The following ADGRL2 variants were observed in gnomAD, a reference collection of about 807,000 sequenced individuals.
ADGRL2 encodes calcium-independent alpha-latrotoxin receptor 2.
In ADGRL2, 44 loss-of-function variants were observed where a neutral mutation model predicts 157.4. That is an observed-to-expected ratio of 0.28 (90% CI 0.22 to 0.36). The LOEUF (loss-of-function observed/expected upper bound fraction) is 0.36. ADGRL2 is among the 10% of genes least tolerant of loss of function. The probability of loss-of-function intolerance (pLI) is 1.00; values close to 1 mark genes in which losing one functional copy is unlikely to be tolerated. For missense variants in ADGRL2, 1,510 were observed against 1,768.9 expected (o/e 0.85, Z 2.63); for synonymous variants, 585 against 624.7 (o/e 0.94, Z 0.95).
chr1:81,460,911 A>C (rs950956333), intron 2 of ADGRL2, among the ~76,000 whole-genome samples: 3 of 152,198 alleles, frequency 2.0e-5, no homozygotes, highest in Non-Finnish European at 4.4e-5. Flanking sequence ...TGTCAAGTGT[A>C]CATTTTATAT....
intron 1 of ADGRL2, among the ~76,000 whole-genome samples, chr1:81,361,317 A>C (rs550331707): frequency 6.6e-6 from 1 of 152,066 alleles, no homozygotes; most frequent in African/African-American, 2.4e-5. Context: ...TTAGAAAAGT[A>C]GTCTCTCAGT....
At chr1:81,483,080 G>A (rs2078424256) in intron 2 of ADGRL2, among the ~76,000 whole-genome samples, 1 of 152,020 alleles carries the variant, frequency 6.6e-6, no homozygotes, top group Non-Finnish European at 1.5e-5. Context: ...AGAAAGAATA[G>A]TCACCCTCAG....
At chr1:81,502,828 G>T (rs536885521) in intron 2 of ADGRL2, 1 of 1,612,492 alleles carries the variant, frequency 6.2e-7, no homozygotes, top group South Asian at 1.1e-5. Flanking sequence ...TGCTGCTGCC[G>T]CTGCCGAGGC....
At chr1:81,318,901 C>T (rs1426531650) in intron 1 of ADGRL2, among the ~76,000 whole-genome samples, 1 of 128,218 alleles carries the variant, frequency 7.8e-6, no homozygotes, top group African/African-American at 2.9e-5. Flanking sequence ...ATGTAATAGT[C>T]ATTTTATCCT....
At chr1:81,773,832 C>G (rs1207533309) in intron 2 of ADGRL2, among the ~76,000 whole-genome samples, 1 of 152,058 alleles carries the variant, frequency 6.6e-6, no homozygotes, top group Admixed American at 6.5e-5. Context: ...ACACCTAGTA[C>G]CTCAGAGTGT....
intron 3 of ADGRL2, among the ~76,000 whole-genome samples, chr1:81,923,263 G>A (rs1161245681): frequency 1.3e-5 from 2 of 152,154 alleles, no homozygotes; most frequent in Non-Finnish European, 2.9e-5. Context: ...TGCAGTGGTA[G>A]TCAATTTGAT....
At chr1:81,944,373 A>C (rs1405899747) in intron 6 of ADGRL2, among the ~76,000 whole-genome samples, 2 of 152,088 alleles carry the variant, frequency 1.3e-5, no homozygotes, top group African/African-American at 4.8e-5. Context: ...ATCCCAAGTG[A>C]TGACTTGTGA....
chr1:81,970,627 G>A (rs1427433272), intron 16 of ADGRL2, 93 bp downstream of exon 16: 10 of 857,274 alleles, frequency 1.2e-5, no homozygotes, highest in African/African-American at 1.8e-5. Context: ...GATTAAAATA[G>A]CATCTGAAAG....
At chr1:81,406,923 T>C (rs1028944071) in intron 1 of ADGRL2, among the ~76,000 whole-genome samples, 1 of 152,228 alleles carries the variant, frequency 6.6e-6, no homozygotes, top group Non-Finnish European at 1.5e-5. Flanking sequence ...ATCAGCCTTC[T>C]GGTTTGGATC....
chr1:81,758,142 T>C (rs560927579), intron 1 of ADGRL2, among the ~76,000 whole-genome samples: 35 of 152,300 alleles, frequency 2.3e-4, no homozygotes, highest in African/African-American at 8.4e-4. Flanking sequence ...TGAAGTGCAA[T>C]TTTGTCTTCA....
At chr1:81,333,982 C>G (rs1247885106) in intron 1 of ADGRL2, among the ~76,000 whole-genome samples, 1 of 152,180 alleles carries the variant, frequency 6.6e-6, no homozygotes, top group African/African-American at 2.4e-5. Flanking sequence ...TGCTCTCAAT[C>G]TCAGCCTGGT....
intron 1 of ADGRL2, among the ~76,000 whole-genome samples, chr1:81,340,608 A>AGAACTTCTTTCTTTT (rs1662003466): frequency 1.3e-5 from 2 of 152,188 alleles, no homozygotes; most frequent in African/African-American, 2.4e-5. Flanking sequence ...TAAAATTAAA[A>AGAACTTCTTTCTTTT]GTAAGAAAGA....
At chr1:81,443,920 G>T (rs563540663) in intron 1 of ADGRL2, among the ~76,000 whole-genome samples, 2 of 152,094 alleles carry the variant, frequency 1.3e-5, no homozygotes, top group African/African-American at 4.8e-5. Flanking sequence ...TACTTATTTT[G>T]TTAGAAGAAA....
intron 3 of ADGRL2, among the ~76,000 whole-genome samples, chr1:81,622,535 C>T (rs1193964023): frequency 2.6e-5 from 4 of 152,110 alleles, no homozygotes; most frequent in Admixed American, 2.0e-4. Context: ...GAGCCAAGAT[C>T]GTGCCACTGC....
chr1:81,598,902 G>A (rs1175091954), intron 3 of ADGRL2, among the ~76,000 whole-genome samples: 1 of 152,216 alleles, frequency 6.6e-6, no homozygotes, highest in Admixed American at 6.5e-5. Context: ...TTTATGCCAT[G>A]AGCCTTTTAT....
intron 1 of ADGRL2, among the ~76,000 whole-genome samples, chr1:81,420,268 G>A (rs2077102075): frequency 1.3e-5 from 2 of 152,068 alleles, no homozygotes; most frequent in South Asian, 2.1e-4. Flanking sequence ...TCCCTCCAAA[G>A]GACTTCAATC....
At chr1:81,353,877 A>G (rs1277320702) in intron 1 of ADGRL2, among the ~76,000 whole-genome samples, 1 of 152,170 alleles carries the variant, frequency 6.6e-6, no homozygotes, top group Non-Finnish European at 1.5e-5. Flanking sequence ...AATCATGCGA[A>G]AGGGCGACAG....
At chr1:81,824,926 T>C (rs1044501345) in intron 1 of ADGRL2, among the ~76,000 whole-genome samples, 2 of 150,582 alleles carry the variant, frequency 1.3e-5, no homozygotes, top group Admixed American at 6.6e-5. Context: ...GGGCGCCGTT[T>C]CCAGTTTTGC....
Position 81,517,424 on chromosome 1 carries a change from C to T in ADGRL2, c.-247-63452C>T, listed in dbSNP as rs545940559. Among the ~76,000 whole-genome samples the T allele has an allele frequency of 3.8e-5, 5 of 131,408 alleles. No individual in the cohort carries two copies. In the East Asian group the frequency reaches 9.6e-4, roughly 25 times the overall value. 86.2% of individuals were successfully genotyped at this position (131,408 alleles called of 152,430 possible). Reference sequence around the variant, plus strand: ...AGGTTGCAGTGAGCGGAGATCATGCCATTGCACTCCAGCCTGGGCGACAGA... The same window carrying T: ...AGGTTGCAGTGAGCGGAGATCATGCTATTGCACTCCAGCCTGGGCGACAGA... On this transcript the variant is annotated intron_variant, in intron 2 of 24. Coordinates refer to the ADGRL2 transcript ENST00000370721.
Sources: allele counts gnomAD v4.1 joint callset (sites outside exome capture counted in the v4.1 genomes callset), GRCh38; gene constraint gnomAD v4.1.1; transcripts MANE v1.5; gene names NCBI Gene and HGNC (gene_info 2026-07-23, HGNC 2026-07-21).